PCDHA13: variants seen among roughly 807,000 people sequenced by gnomAD.
The protein encoded by PCDHA13 is protocadherin alpha 13, also known as protocadherin alpha-13.
Under a neutral mutation model 64.8 loss-of-function variants are expected in PCDHA13, and 54 were observed. The ratio of observed to expected loss-of-function variants is 0.83; its 90% CI spans 0.67 to 1.04. The LOEUF is 1.04. Among genes scored for constraint, PCDHA13 ranks in the 50% least tolerant of loss-of-function variants. The pLI is 0.00. For synonymous variants in PCDHA13, 587 were observed against 564.4 expected (o/e 1.04, Z -0.57); for missense variants, 1,248 against 1,254.3 (o/e 0.99, Z 0.08).
chr5:140,886,492 C>A (rs2060999452), intron 1 of PCDHA13, among the ~76,000 whole-genome samples: 1 of 152,036 alleles, frequency 6.6e-6, no homozygotes, highest in Non-Finnish European at 1.5e-5. Flanking sequence ...TAAAATATAT[C>A]TTTTTCCTTT....
intron 1 of PCDHA13, among the ~76,000 whole-genome samples, chr5:140,924,976 C>T (rs1376073492): frequency 6.6e-6 from 1 of 151,048 alleles, no homozygotes; most frequent in Non-Finnish European, 1.5e-5. Context: ...TGCAGTGGCT[C>T]ATGTCTGTAA....
intron 1 of PCDHA13, chr5:140,969,438 C>G: frequency 6.5e-7 from 1 of 1,546,540 alleles, no homozygotes; most frequent in African/African-American, 1.4e-5. Flanking sequence ...CAAGAGTTAT[C>G]TGGTAAACTG....
At chr5:140,928,309 G>A (rs1554205732) in intron 1 of PCDHA13, 1 of 1,614,122 alleles carries the variant, frequency 6.2e-7, no homozygotes, top group Non-Finnish European at 8.5e-7. Context: ...CCAGGACCCC[G>A]ACCTGGGGAA....
chr5:140,939,340 A>G (rs1337369012), intron 1 of PCDHA13, among the ~76,000 whole-genome samples: 1 of 152,178 alleles, frequency 6.6e-6, no homozygotes, highest in Non-Finnish European at 1.5e-5. Flanking sequence ...AGGGGTTAGC[A>G]TTTCAACTTA....
intron 3 of PCDHA13, 34 bp from the exon 4 acceptor site, chr5:141,009,593 C>T (rs1219056557): frequency 6.2e-7 from 1 of 1,601,902 alleles, no homozygotes; most frequent in Non-Finnish European, 8.5e-7. Context: ...CATGTGTTGA[C>T]CCTGTTAATG....
chr5:140,967,984 C>G (rs2096207352), intron 1 of PCDHA13: 2 of 1,614,100 alleles, frequency 1.2e-6, no homozygotes, highest in African/African-American at 2.7e-5. Flanking sequence ...GTCTGGAGGC[C>G]ACACTGCCTT....
intron 1 of PCDHA13, among the ~76,000 whole-genome samples, chr5:140,959,741 C>T (rs1415934970): frequency 6.6e-6 from 1 of 152,068 alleles, no homozygotes; most frequent in Admixed American, 6.6e-5. Flanking sequence ...CATCAAAATG[C>T]CTTAAAGTAT....
chr5:140,883,644 A>C lies in PCDHA13; in HGVS notation c.1376A>C (p.Glu459Ala), dbSNP rs2059725253. 2 of 1,613,018 alleles carry C rather than the reference A, an allele frequency of 1.2e-6. No individual in the cohort carries two copies. Among genetic ancestry groups the C allele is most frequent in the Non-Finnish European group, 1.7e-6 (2 of 1,179,710 alleles). ...AACGCGCCGGCGTTCGCGCAGCCCG[A>C]GTACACGGTGTTCGTGAAGGAAAAC... ...NDNAPAFAQP[E>A]YTVFVKENNP... is the part of the protein sequence containing the mutation. The change falls in exon 1 of 4, where the codon GAG (glutamate) becomes GCG (alanine). Residue 459 changes from glutamate (E) to alanine (A), a missense_variant. By Grantham distance (107) the Glu-to-Ala change is moderately radical. Coordinates refer to ENST00000289272, the MANE Select transcript of PCDHA13 (RefSeq NM_018904.3).
chr5:140,890,760 A>C (rs939413448), intron 1 of PCDHA13, among the ~76,000 whole-genome samples: 2 of 152,188 alleles, frequency 1.3e-5, no homozygotes, highest in Non-Finnish European at 2.9e-5. Flanking sequence ...ATGCTTTAAA[A>C]ATATTTTAAA....
In PCDHA13 at chr5:141,009,849, C is replaced by G; in HGVS notation, c.2765C>G (p.Thr922Ser). The change falls in exon 4 of 4, where the codon ACC (threonine) becomes AGC (serine). Residue 922 changes from threonine (T) to serine (S), a missense_variant. Physicochemically the swap from Thr to Ser is moderately conservative, Grantham distance 58. Coordinates refer to ENST00000289272, the MANE Select transcript of PCDHA13 (RefSeq NM_018904.3). ...ATAACCTTCGGCAAAAAGGAGGAGA[C>G]CAAGAAAAAGAAGAAAAAGAAGAAG... ...DFITFGKKEE[T>S]KKKKKKKKGN... 1 of 1,613,364 alleles carries G rather than the reference C, an allele frequency of 6.2e-7. No homozygotes were observed. The highest frequency in any genetic ancestry group is 8.5e-7 in the Non-Finnish European group (1 of 1,179,856).
chr5:140,888,447 A>G (rs1554183478), intron 1 of PCDHA13, among the ~76,000 whole-genome samples: 1 of 152,190 alleles, frequency 6.6e-6, no homozygotes, highest in Non-Finnish European at 1.5e-5. Context: ...CCCAACAATA[A>G]AGAATTAGCT....
intron 1 of PCDHA13, among the ~76,000 whole-genome samples, chr5:140,943,588 T>C (rs1179171934): frequency 1.3e-5 from 2 of 152,176 alleles, no homozygotes; most frequent in Non-Finnish European, 2.9e-5. Context: ...TGAGTGGGGC[T>C]GAATTCTAAA....
At chr5:140,997,978 C>A (rs1205743045) in intron 3 of PCDHA13, among the ~76,000 whole-genome samples, 2 of 152,182 alleles carry the variant, frequency 1.3e-5, no homozygotes, top group Admixed American at 1.3e-4. Context: ...TTGGACTGCA[C>A]TTGTTACATA....
intron 3 of PCDHA13, among the ~76,000 whole-genome samples, chr5:141,000,395 CTATATATATA>C (rs1190667031): frequency 1.9e-5 from 1 of 53,986 alleles, no homozygotes; most frequent in Non-Finnish European, 3.2e-5. Context: ...CTCTCTCTCT[CTATATATATA>C]TATATATATA....
At chr5:140,956,906 A>G (rs2095319439) in intron 1 of PCDHA13, among the ~76,000 whole-genome samples, 1 of 152,218 alleles carries the variant, frequency 6.6e-6, no homozygotes, top group Non-Finnish European at 1.5e-5. Flanking sequence ...TCTTAAATGT[A>G]TAAACTTTAA....
chr5:140,927,235 C>T (rs1478545930), intron 1 of PCDHA13: 7 of 1,614,034 alleles, frequency 4.3e-6, no homozygotes, highest in Non-Finnish European at 5.9e-6. Flanking sequence ...GATTCACGTC[C>T]TGGACACCAA....
At chr5:140,991,757 C>T (rs1554252410) in intron 3 of PCDHA13, among the ~76,000 whole-genome samples, 1 of 152,160 alleles carries the variant, frequency 6.6e-6, no homozygotes, top group African/African-American at 2.4e-5. Context: ...CTATCATGCT[C>T]TTCAAAATTC....
chr5:140,975,591 G>A (rs1421434713), intron 1 of PCDHA13, among the ~76,000 whole-genome samples: 1 of 152,198 alleles, frequency 6.6e-6, no homozygotes, highest in African/African-American at 2.4e-5. Flanking sequence ...GTCCCAGAGG[G>A]CAATTTGTTG....
chr5:140,886,884 A>C (rs903199967), intron 1 of PCDHA13, among the ~76,000 whole-genome samples: 9 of 151,846 alleles, frequency 5.9e-5, no homozygotes, highest in African/African-American at 1.9e-4. Flanking sequence ...AACATTCATT[A>C]ATTAAATGCA....
Sources: gnomAD v4.1 joint callset for allele counts (sites outside exome capture counted in the v4.1 genomes callset) on GRCh38, gnomAD v4.1.1 for gene constraint, MANE v1.5 for transcripts, NCBI Gene and HGNC (gene_info 2026-07-23, HGNC 2026-07-21) for gene names.